ZFAND4: variants seen among roughly 807,000 people sequenced by gnomAD.
The protein encoded by ZFAND4 is AN1-type zinc finger protein 4.
Under a neutral mutation model 64.4 loss-of-function variants are expected in ZFAND4, and 43 were observed. The ratio of observed to expected loss-of-function variants is 0.67; its 90% CI spans 0.52 to 0.86. The LOEUF is 0.86. Among genes scored for constraint, ZFAND4 ranks in the 40% least tolerant of loss-of-function variants. The pLI is 0.00. For synonymous variants in ZFAND4, 296 were observed against 305.7 expected, an observed-to-expected ratio of 0.97 and a Z score of 0.33; for missense variants, 929 against 859.8, an observed-to-expected ratio of 1.08 and a Z score of -1.01.
intron 8 of ZFAND4, 55 bp downstream of exon 8, chr10:45,624,528 G>A: frequency 6.7e-7 from 1 of 1,486,448 alleles, no homozygotes; most frequent in East Asian, 2.3e-5. Context: ...TCAACCGGAT[G>A]CATAATTATG....
At chr10:45,657,459 G>A (rs118154056) in intron 2 of ZFAND4, among the ~76,000 whole-genome samples, 6,590 of 152,258 alleles carry the variant, frequency 0.043, 206 homozygotes, top group Non-Finnish European at 0.064. Context: ...TAAGGATACA[G>A]AGCAACTAGA....
chr10:45,663,357 C>A (rs780241414), intron 2 of ZFAND4, among the ~76,000 whole-genome samples, 185 bp downstream of exon 2: 3 of 152,058 alleles, frequency 2.0e-5, no homozygotes, highest in Non-Finnish European at 2.9e-5. Context: ...GTGAACACAG[C>A]AATGGGGATA....
intron 4 of ZFAND4, chr10:45,650,792 T>C (rs1351447552): frequency 6.6e-6 from 1 of 152,032 alleles, no homozygotes; most frequent in Non-Finnish European, 1.5e-5. Context: ...AAACATCACA[T>C]AGTTATTACT....
chr10:45,672,706 C>A lies in ZFAND4; in HGVS notation c.-574G>T, dbSNP rs2049290120. The A allele has an allele frequency of 6.6e-6, 1 of 152,210 alleles. No homozygotes were observed. The highest frequency in any genetic ancestry group is 1.5e-5 in the Non-Finnish European group (1 of 68,058). 9.4% of individuals were successfully genotyped at this position (152,210 alleles called of 1,614,324 possible). A position where few individuals can be genotyped will look rare whatever the true frequency, so the allele number is the denominator to read the frequency against. ...GCAGTCTTGTCCGCTGGCTCGCTCG[C>A]CCGCCTACAGGTCGACAGGGCCCAA... is the stretch of plus-strand genomic sequence containing the variant. On this transcript the variant is annotated 5_prime_UTR_variant, in exon 1 of 10. Coordinates refer to ENST00000344646, the MANE Select transcript of ZFAND4 (RefSeq NM_174890.4).
intron 6 of ZFAND4, among the ~76,000 whole-genome samples, chr10:45,627,616 T>C (rs960792090): frequency 1.3e-5 from 2 of 152,216 alleles, no homozygotes; most frequent in African/African-American, 2.4e-5. Context: ...CCCATGAACC[T>C]AACTGATAAG....
chr10:45,671,655 G>T (rs1217170281), intron 1 of ZFAND4, among the ~76,000 whole-genome samples: 2 of 152,204 alleles, frequency 1.3e-5, no homozygotes, highest in East Asian at 3.9e-4. Flanking sequence ...ACACAGGGAG[G>T]GGAACATCAC....
intron 5 of ZFAND4, among the ~76,000 whole-genome samples, chr10:45,643,101 G>T (rs2047137205): frequency 6.7e-6 from 1 of 149,830 alleles, no homozygotes; most frequent in South Asian, 2.1e-4. Flanking sequence ...TGCATTTTTA[G>T]TAGAGATGCG....
At chr10:45,647,923 T>C (rs1396310995) in intron 5 of ZFAND4, among the ~76,000 whole-genome samples, 1 of 152,210 alleles carries the variant, frequency 6.6e-6, no homozygotes, top group Non-Finnish European at 1.5e-5. Context: ...ATCTCCCTTT[T>C]ATAGAGTAGG....
intron 6 of ZFAND4, among the ~76,000 whole-genome samples, chr10:45,631,973 C>T (rs1224879883): frequency 6.6e-6 from 1 of 152,118 alleles, no homozygotes; most frequent in African/African-American, 2.4e-5. Flanking sequence ...AATTACTGTA[C>T]CTACAAGCCT....
At chr10:45,638,886 G>A (rs1446242871) in intron 6 of ZFAND4, among the ~76,000 whole-genome samples, 1 of 152,120 alleles carries the variant, frequency 6.6e-6, no homozygotes, top group Non-Finnish European at 1.5e-5. Context: ...TTCAGGAATA[G>A]GAAAAACGTA....
At position 45,632,628 on chromosome 10, in the gene ZFAND4, T is replaced by C. The variant is rs1268705035; in HGVS notation, c.718-5523A>G. Among the ~76,000 whole-genome samples the C allele has an allele frequency of 2.0e-5, 3 of 152,196 alleles. No homozygotes were observed. The East Asian group carries it at 5.8e-4, about 29-fold the overall frequency. On this transcript the variant is annotated intron_variant, in intron 6 of 9. Coordinates refer to ENST00000344646, the MANE Select transcript of ZFAND4 (RefSeq NM_174890.4). ...TCAAGAACATGATAAATAGTATTAATGTAAAGTGAATCAATAAAACAAAAT... is the reference window on the plus strand; with the variant it reads ...TCAAGAACATGATAAATAGTATTAACGTAAAGTGAATCAATAAAACAAAAT...
chr10:45,653,513 A>C (rs1476659502), intron 2 of ZFAND4, among the ~76,000 whole-genome samples: 2 of 152,254 alleles, frequency 1.3e-5, no homozygotes, highest in African/African-American at 4.8e-5. Flanking sequence ...AAGGACATGC[A>C]TGAACAGACA....
At chr10:45,668,009 A>C in intron 1 of ZFAND4, among the ~76,000 whole-genome samples, 1 of 152,180 alleles carries the variant, frequency 6.6e-6, no homozygotes, top group African/African-American at 2.4e-5. Context: ...ATTTTATCAA[A>C]CGCTTTTTTC....
chr10:45,668,675 C>T (rs761744304), intron 1 of ZFAND4, among the ~76,000 whole-genome samples: 6 of 152,086 alleles, frequency 3.9e-5, no homozygotes, highest in Non-Finnish European at 2.9e-5. Flanking sequence ...AAATGTAAAA[C>T]AACAGAAATC....
Position 45,660,627 on chromosome 10 carries a change from T to C in ZFAND4, c.184+2915A>G, listed in dbSNP as rs140478284. ...ACCTTCAACATATTATATCAAACTG[T>C]AGAAAAGCAAAGACAAAGACAAAAT... On this transcript the variant is annotated intron_variant, in intron 2 of 9. Coordinates refer to ENST00000344646, the MANE Select transcript of ZFAND4 (RefSeq NM_174890.4). 6.7e-3 allele frequency among the ~76,000 whole-genome samples: 1,017 copies of C among 151,890 alleles called. 7 individuals carry two copies. Among genetic ancestry groups the C allele is most frequent in the African/African-American group, 0.023 (943 of 41,408 alleles).
chr10:45,652,853 T>A (rs17157945), intron 3 of ZFAND4, 131 bp downstream of exon 3: 28,096 of 637,410 alleles, frequency 0.044, 927 homozygotes, highest in African/African-American at 0.12. Context: ...TCAGGATGTA[T>A]AATGAAATCT....
chr10:45,626,248 G>C lies in ZFAND4; in HGVS notation c.1575C>G (p.Cys525Trp). Reference sequence around the variant, plus strand: ...GTGAATCAACTTTAACACCTTGAAAGCAAGTAGTCCTAGAGAAAGAAGAAT... The same window carrying C: ...GTGAATCAACTTTAACACCTTGAAACCAAGTAGTCCTAGAGAAAGAAGAAT... ...ITDSSFSRTT[C>W]FQGVKVDSLG... The change falls in exon 7 of 10, where the codon TGC becomes TGG. Residue 525 changes from cysteine to tryptophan, a missense_variant. Physicochemically the swap from Cys to Trp is radical, Grantham distance 215. Coordinates refer to ENST00000344646, the MANE Select transcript of ZFAND4 (RefSeq NM_174890.4). 6.2e-7 allele frequency: 1 copy of C among 1,614,174 alleles called. No individual in the cohort carries two copies. Among genetic ancestry groups the C allele is most frequent in the Admixed American group, 1.7e-5 (1 of 60,018 alleles).
At chr10:45,627,170 CGAAG>C (rs1564564898) in intron 6 of ZFAND4, 65 bp from the exon 7 acceptor site, 18 of 1,343,980 alleles carry the variant, frequency 1.3e-5, no homozygotes, top group Admixed American at 2.8e-5. Flanking sequence ...CAAAAATTAG[CGAAG>C]GAAGAAAATG....
rs1351663163 is a variant in ZFAND4, at chr10:45,626,389, A to G, written c.1434T>C (p.Ser478=). The change falls in exon 7 of 10, where the codon TCT becomes TCC. Residue 478 remains serine, a synonymous_variant. Coordinates refer to ENST00000344646, the MANE Select transcript of ZFAND4 (RefSeq NM_174890.4). ...KNRLLSPLRC[S]APMSLHNSLV... The stretch of plus-strand genomic sequence containing the variant: ...GAGAATTATGTAGCGACATTGGTGC[A>G]GAACAGCGAAGAGGTGACAAGAGTC... 1 of 1,614,040 alleles carries G rather than the reference A, an allele frequency of 6.2e-7. No individual in the cohort carries two copies. The highest frequency in any genetic ancestry group is 1.3e-5 in the African/African-American group (1 of 74,936).
Sources: gnomAD v4.1 joint callset for allele counts (sites outside exome capture counted in the v4.1 genomes callset) on GRCh38, gnomAD v4.1.1 for gene constraint, MANE v1.5 for transcripts, NCBI Gene and HGNC (gene_info 2026-07-23, HGNC 2026-07-21) for gene names.